Variants in ZNF428 observed in about 807,000 individuals in gnomAD.
ZNF428 encodes the protein enzyme-like protein PIT13.
ZNF428 carries 5 observed loss-of-function variants against 15.6 expected under a neutral mutation model. The observed-to-expected ratio is 0.32, with a 90% CI of 0.17 to 0.67. The LOEUF (loss-of-function observed/expected upper bound fraction) is 0.67, where lower values mean the gene tolerates loss of function less well. ZNF428 is among the 30% of genes least tolerant of loss of function. The probability of loss-of-function intolerance (pLI) is 0.73; values close to 1 mark genes in which losing one functional copy is unlikely to be tolerated. For synonymous variants in ZNF428, 97 were observed against 102.2 expected (o/e 0.95, Z 0.31); for missense variants, 237 against 256.0 (o/e 0.93, Z 0.51).
chr19:43,613,118 A>G, intron 2 of ZNF428: 3 of 1,551,706 alleles, frequency 1.9e-6, no homozygotes, highest in Non-Finnish European at 2.6e-6. Context: ...CAGCCAGTCT[A>G]GAAGCCACAG....
intron 2 of ZNF428, among the ~76,000 whole-genome samples, chr19:43,610,799 C>T (rs1048524289): frequency 5.3e-5 from 8 of 152,130 alleles, no homozygotes; most frequent in African/African-American, 1.4e-4. Context: ...TTTGGTGAGG[C>T]CGTCCCAGAC....
rs542745212 is a variant in ZNF428, at chr19:43,611,722, T to C, written c.76+2507A>G. 5.9e-5 allele frequency among the ~76,000 whole-genome samples: 9 copies of C among 152,274 alleles called. No homozygotes were observed. In the East Asian group the frequency reaches 1.7e-3, roughly 29 times the overall value. On this transcript the variant is annotated intron_variant, in intron 2 of 2. Transcript: ENST00000300811. ...TCGCTGACTCCCCAAGCGGTCAGTG[T>C]CTCTCTCGTATGGGCTCCCCGGCCC...
chr19:43,615,841 C>T (rs1363157978), intron 1 of ZNF428, among the ~76,000 whole-genome samples: 3 of 152,106 alleles, frequency 2.0e-5, no homozygotes, highest in African/African-American at 7.2e-5. Context: ...GGGAGCTTCA[C>T]GCCCTCCCTG....
intron 2 of ZNF428, chr19:43,613,563 A>C: frequency 1.9e-6 from 3 of 1,551,652 alleles, no homozygotes; most frequent in Non-Finnish European, 2.6e-6. Context: ...AGCCCCAGCA[A>C]GGAAAGAGAT....
intron 1 of ZNF428, among the ~76,000 whole-genome samples, chr19:43,617,253 C>T (rs914345436): frequency 3.3e-5 from 5 of 152,036 alleles, no homozygotes; most frequent in Non-Finnish European, 7.4e-5. Flanking sequence ...ACCGCCCCCG[C>T]CCCCCACCAA....
At chr19:43,619,416 G>C (rs1973412433) in intron 1 of ZNF428, 142 bp downstream of exon 1, 1 of 152,308 alleles carries the variant, frequency 6.6e-6, no homozygotes, top group African/African-American at 2.4e-5. Flanking sequence ...CAAACGCGTA[G>C]GGGGAGAAAA....
At position 43,612,709 on chromosome 19, in the gene ZNF428, C is replaced by G; in HGVS notation, c.76+1520G>C. On this transcript the variant is annotated intron_variant, in intron 2 of 2. Transcript: ENST00000300811. This position sits in a 1 kb window ranked among gnomAD's most constrained non-coding sequence, Gnocchi z 4.2. ...CTAGAAATCTGAGCAAGAAGAGTTA[C>G]CGCCCACCAGGAGGCTCAGGTATAG... is the stretch of plus-strand genomic sequence containing the variant. 6.4e-7 allele frequency: 1 copy of G among 1,551,602 alleles called. No homozygotes were observed. Among genetic ancestry groups the G allele is most frequent in the Non-Finnish European group, 8.7e-7 (1 of 1,146,986 alleles).
Position 43,607,848 on chromosome 19 carries a change from C to T in ZNF428, c.336G>A (p.Arg112=). ...GEAPPGTPPC[R]LCCPATAPQE... ...GGGGGGCTGTAGCAGGGCAGCAGAG[C>T]CGGCAGGGTGGGGTTCCCGGTGGGG... The change falls in exon 3 of 3, where the codon CGG becomes CGA. Residue 112 remains arginine (R), a synonymous_variant. Transcript: ENST00000300811. This position sits in a 1 kb window ranked among gnomAD's most constrained non-coding sequence, Gnocchi z 5.1. The T allele has an allele frequency of 3.9e-6, 6 of 1,557,406 alleles. No individual in the cohort carries two copies. Among genetic ancestry groups the T allele is most frequent in the Non-Finnish European group, 5.2e-6 (6 of 1,150,378 alleles).
chr19:43,608,256 C>G, intron 2 of ZNF428, 149 bp from the exon 3 acceptor site: 2 of 1,040,784 alleles, frequency 1.9e-6, no homozygotes, highest in Non-Finnish European at 2.7e-6. Flanking sequence ...CAGATGAGTC[C>G]CCATGGCACA....
At chr19:43,616,367 G>C (rs1308923114) in intron 1 of ZNF428, among the ~76,000 whole-genome samples, 1 of 152,142 alleles carries the variant, frequency 6.6e-6, no homozygotes, top group African/African-American at 2.4e-5. Flanking sequence ...CACTCTAGCT[G>C]TGTAGCACCA....
At chr19:43,611,291 G>A (rs1973293254) in intron 2 of ZNF428, among the ~76,000 whole-genome samples, 1 of 151,728 alleles carries the variant, frequency 6.6e-6, no homozygotes. Context: ...CAAAGCCTTG[G>A]CCTCTGCTCC....
At chr19:43,615,886 C>CTATGCGG (rs1973367292) in intron 1 of ZNF428, among the ~76,000 whole-genome samples, 1 of 152,140 alleles carries the variant, frequency 6.6e-6, no homozygotes, top group Non-Finnish European at 1.5e-5. Context: ...AGGTGGTTAG[C>CTATGCGG]TATGCGGAAG....
rs1445400912 is a variant in ZNF428 at position 43,612,790 on chromosome 19, TG to T, written c.76+1438del. On this transcript the variant is annotated intron_variant, in intron 2 of 2. Coordinates refer to ENST00000300811, the MANE Select transcript of ZNF428 (RefSeq NM_182498.4). This position sits in a 1 kb window ranked among gnomAD's most constrained non-coding sequence, Gnocchi z 4.2. ...GTACAGCCAAGTGTCAAACCCCGAC[TG>T]GAATTCCCTCCAAGGAGAAGAGTGA... 6.4e-7 allele frequency: 1 copy of T among 1,551,552 alleles called. No individual in the cohort carries two copies.
At position 43,619,566 on chromosome 19, in the gene ZNF428, G is replaced by C. The variant is rs761838897; in HGVS notation, c.-139C>G. 6.6e-6 allele frequency: 1 copy of C among 152,302 alleles called. No homozygotes were observed. The highest frequency in any genetic ancestry group is 1.5e-5 in the Non-Finnish European group (1 of 68,084). 9.4% of individuals were successfully genotyped at this position (152,302 alleles called of 1,614,324 possible). ...CTGCCCGGGACACTCACCGGCGCCG[G>C]CGGCCCCCGCTCCGGCTCTGCGGCG... On this transcript the variant is annotated 5_prime_UTR_variant, in exon 1 of 3. Transcript: ENST00000300811.
intron 1 of ZNF428, among the ~76,000 whole-genome samples, chr19:43,616,286 A>G (rs1973371055): frequency 6.6e-6 from 1 of 151,882 alleles, no homozygotes; most frequent in Non-Finnish European, 1.5e-5. Context: ...AACAATTGGT[A>G]TGGCTATACT....
chr19:43,609,174 T>G (rs1210837025), intron 2 of ZNF428, among the ~76,000 whole-genome samples: 1 of 152,032 alleles, frequency 6.6e-6, no homozygotes, highest in African/African-American at 2.4e-5. Context: ...TTGATGGATG[T>G]GGAAACTGAG....
At position 43,613,314 on chromosome 19, in the gene ZNF428, A is replaced by C. The variant is rs1197540655; in HGVS notation, c.76+915T>G. The C allele has an allele frequency of 4.5e-6, 7 of 1,551,500 alleles. No individual in the cohort carries two copies. The Admixed American group carries it at 1.4e-4, about 30-fold the overall frequency. ...AGTCAATCAGGAAGCCCCAACAAGC[A>C]GAGAGATCACAGCCGATCTAGAAGT... On this transcript the variant is annotated intron_variant, in intron 2 of 2. Coordinates refer to ENST00000300811, the MANE Select transcript of ZNF428 (RefSeq NM_182498.4).
Position 43,612,064 on chromosome 19 carries a change from T to C in ZNF428, c.76+2165A>G, listed in dbSNP as rs984282137. 3 of 1,310,274 alleles carry C rather than the reference T, an allele frequency of 2.3e-6. No individual in the cohort carries two copies. The highest frequency in any genetic ancestry group is 3.2e-6 in the Non-Finnish European group (3 of 933,518). 81.2% of individuals were successfully genotyped at this position (1,310,274 alleles called of 1,614,324 possible). A position where few individuals can be genotyped will look rare whatever the true frequency, so the allele number is the denominator to read the frequency against. ...AGGCAATCAGGTCATCGTCCACGGC[T>C]ACCAGGTGTTTCATGTCTACTGTGA... On this transcript the variant is annotated intron_variant, in intron 2 of 2. Transcript: ENST00000300811. The surrounding 1 kb of genome is among the most constrained non-coding windows in gnomAD (Gnocchi z 4.2).
intron 2 of ZNF428, among the ~76,000 whole-genome samples, chr19:43,611,325 AT>A (rs768244487): frequency 9.3e-4 from 131 of 140,250 alleles, no homozygotes; most frequent in African/African-American, 2.0e-3. Flanking sequence ...TGACCCGTTC[AT>A]TTTTTTTTTT....
Sources: gnomAD v4.1 joint callset for allele counts (sites outside exome capture counted in the v4.1 genomes callset) on GRCh38, gnomAD v4.1.1 for gene constraint, Gnocchi (gnomAD v3.1) non-coding constraint, MANE v1.5 for transcripts, NCBI Gene and HGNC (gene_info 2026-07-23, HGNC 2026-07-21) for gene names.